Variants in CHCHD6 observed in about 807,000 individuals in gnomAD.
The protein encoded by CHCHD6 is MICOS complex subunit MIC25.
Under a neutral mutation model 32.3 loss-of-function variants are expected in CHCHD6, and 28 were observed. The ratio of observed to expected loss-of-function variants is 0.87; its 90% CI spans 0.64 to 1.19. CHCHD6 has a LOEUF of 1.19. CHCHD6 is among the 50% of genes most tolerant of loss of function. The pLI is 0.00. For missense variants in CHCHD6, 333 were observed against 307.0 expected (o/e 1.08, Z -0.63); for synonymous variants, 122 against 117.5 (o/e 1.04, Z -0.25).
chr3:126,842,244 A>T (rs1190904121), intron 4 of CHCHD6, among the ~76,000 whole-genome samples: 2 of 152,024 alleles, frequency 1.3e-5, no homozygotes, highest in Admixed American at 6.5e-5. Flanking sequence ...CTTTTTTTTA[A>T]AAAAAAGAAC....
chr3:126,928,818 T>A (rs1361378645), intron 6 of CHCHD6, among the ~76,000 whole-genome samples: 1 of 152,202 alleles, frequency 6.6e-6, no homozygotes, highest in Non-Finnish European at 1.5e-5. Flanking sequence ...TCCCTGAAAC[T>A]GCAGGCCCCG....
intron 6 of CHCHD6, among the ~76,000 whole-genome samples, chr3:126,945,091 A>G (rs1193825527): frequency 6.6e-6 from 1 of 152,166 alleles, no homozygotes; most frequent in African/African-American, 2.4e-5. Context: ...TTAGGCTGGT[A>G]CGATGGAGTT....
intron 6 of CHCHD6, among the ~76,000 whole-genome samples, chr3:126,954,393 G>A (rs1559941673): frequency 6.6e-6 from 1 of 152,204 alleles, no homozygotes; most frequent in Admixed American, 6.5e-5. Flanking sequence ...CCTGCACATC[G>A]CCATTCTGCA....
At chr3:126,952,670 G>A (rs1449619452) in intron 6 of CHCHD6, among the ~76,000 whole-genome samples, 1 of 152,244 alleles carries the variant, frequency 6.6e-6, no homozygotes, top group East Asian at 1.9e-4. Flanking sequence ...GCCTGGGACG[G>A]AGATGGAGGC....
At chr3:126,706,561 T>C (rs1383363362) in intron 1 of CHCHD6, among the ~76,000 whole-genome samples, 3 of 152,110 alleles carry the variant, frequency 2.0e-5, no homozygotes, top group Non-Finnish European at 4.4e-5. Context: ...TGCTTTCTTT[T>C]CCAGCTGGGC....
At chr3:126,731,316 A>T (rs1241324986) in intron 3 of CHCHD6, among the ~76,000 whole-genome samples, 1 of 152,006 alleles carries the variant, frequency 6.6e-6, no homozygotes, top group African/African-American at 2.4e-5. Flanking sequence ...AGCTGGCCAC[A>T]CCTCTGTCAT....
intron 5 of CHCHD6, among the ~76,000 whole-genome samples, chr3:126,897,603 G>A (rs2107581164): frequency 6.6e-6 from 1 of 152,332 alleles, no homozygotes; most frequent in Middle Eastern, 3.4e-3. Context: ...CACTGGCGCT[G>A]TGACCTTGAA....
At chr3:126,722,119 C>A (rs1311431252) in intron 1 of CHCHD6, among the ~76,000 whole-genome samples, 1 of 152,148 alleles carries the variant, frequency 6.6e-6, no homozygotes, top group Non-Finnish European at 1.5e-5. Flanking sequence ...GGTAACTCTC[C>A]ATATCCTCGC....
chr3:126,712,907 C>G (rs904853956), intron 1 of CHCHD6, among the ~76,000 whole-genome samples: 2 of 152,202 alleles, frequency 1.3e-5, no homozygotes, highest in African/African-American at 2.4e-5. Context: ...AGAGATGACC[C>G]TTGTCTCTTC....
At chr3:126,929,491 C>A (rs760278702) in intron 6 of CHCHD6, among the ~76,000 whole-genome samples, 21 of 152,160 alleles carry the variant, frequency 1.4e-4, no homozygotes, top group Non-Finnish European at 2.6e-4. Context: ...TCCCAGTAAA[C>A]TTCATTCTGG....
chr3:126,730,176 C>T (rs1417183877), intron 2 of CHCHD6, among the ~76,000 whole-genome samples: 2 of 152,160 alleles, frequency 1.3e-5, no homozygotes, highest in African/African-American at 4.8e-5. Flanking sequence ...ATGCCAAAAC[C>T]TCTACCCGGG....
chr3:126,818,523 A>G lies in CHCHD6; in HGVS notation c.412-34124A>G, dbSNP rs147677621. Among the ~76,000 whole-genome samples the G allele has an allele frequency of 7.9e-5, 12 of 152,356 alleles. No individual in the cohort carries two copies. In the East Asian group the frequency reaches 2.3e-3, roughly 29 times the overall value. On this transcript the variant is annotated intron_variant, in intron 4 of 7. Coordinates refer to ENST00000290913, the MANE Select transcript of CHCHD6 (RefSeq NM_032343.3). The stretch of plus-strand genomic sequence containing the variant: ...TTTAAGAGGAAATCAGCGAAGGCAT[A>G]TGGAGTGATGGCCTGTCTGTGTGGG...
At chr3:126,892,960 TG>T (rs761083604) in intron 5 of CHCHD6, among the ~76,000 whole-genome samples, 3 of 148,842 alleles carry the variant, frequency 2.0e-5, no homozygotes, top group Non-Finnish European at 4.4e-5. Flanking sequence ...GTTGTTGTTT[TG>T]TTTTGTTTTG....
chr3:126,804,885 G>C lies in CHCHD6; in HGVS notation c.412-47762G>C, dbSNP rs939886591. 1.8e-3 allele frequency among the ~76,000 whole-genome samples: 281 copies of C among 151,920 alleles called. 3 individuals carry two copies. The highest frequency in any genetic ancestry group is 4.1e-4 in the Non-Finnish European group (28 of 67,962). On this transcript the variant is annotated intron_variant, in intron 4 of 7. Transcript: ENST00000290913. ...GTGGGCTTCATCCCTGGGATGCAAG[G>C]CTGGTTCAATATACGCAAATCAATA...
intron 4 of CHCHD6, among the ~76,000 whole-genome samples, chr3:126,764,173 A>G (rs1195384790): frequency 2.1e-5 from 3 of 144,490 alleles, no homozygotes; most frequent in Non-Finnish European, 4.5e-5. Flanking sequence ...ACACACACAT[A>G]TATACACATA....
chr3:126,795,688 C>A (rs114351625), intron 4 of CHCHD6, among the ~76,000 whole-genome samples: 3 of 152,108 alleles, frequency 2.0e-5, no homozygotes, highest in African/African-American at 7.2e-5. Flanking sequence ...CAAGGTAACT[C>A]GTATCCCTTG....
At chr3:126,906,976 G>C (rs1028100990) in intron 5 of CHCHD6, among the ~76,000 whole-genome samples, 1 of 152,180 alleles carries the variant, frequency 6.6e-6, no homozygotes, top group Non-Finnish European at 1.5e-5. Flanking sequence ...AGGGACCATG[G>C]GTGTGGGCAG....
At chr3:126,949,485 C>T (rs1464292151) in intron 6 of CHCHD6, 2 of 197,138 alleles carry the variant, frequency 1.0e-5, no homozygotes, top group Admixed American at 6.6e-5. Flanking sequence ...AGAGGTCTGC[C>T]GTGGACGGAA....
intron 4 of CHCHD6, among the ~76,000 whole-genome samples, chr3:126,742,148 G>A (rs1312109504): frequency 3.9e-5 from 6 of 152,204 alleles, no homozygotes; most frequent in African/African-American, 1.4e-4. Flanking sequence ...CAAAGGGATG[G>A]CTGTGGGATG....
Sources: gnomAD v4.1 joint callset for allele counts (sites outside exome capture counted in the v4.1 genomes callset) on GRCh38, gnomAD v4.1.1 for gene constraint, MANE v1.5 for transcripts, NCBI Gene and HGNC (gene_info 2026-07-23, HGNC 2026-07-21) for gene names.